GPC6: variants seen among roughly 807,000 people sequenced by gnomAD.
The protein encoded by GPC6 is glypican 6.
In GPC6, 14 loss-of-function variants were observed where a neutral mutation model predicts 55.2. The observed-to-expected ratio is 0.25, with a 90% CI of 0.17 to 0.40. The LOEUF is 0.40. GPC6 is among the 10% of genes least tolerant of loss of function. The pLI, the probability that GPC6 is intolerant of heterozygous loss-of-function variation, is 1.00. For synonymous variants in GPC6, 278 were observed against 259.6 expected (o/e 1.07, Z -0.68); for missense variants, 641 against 708.5 (o/e 0.90, Z 1.08).
rs185785300 is a variant in GPC6 at position 94,136,293 on chromosome 13, T to C, written c.877+108399T>C. Among the ~76,000 whole-genome samples, 423 of 152,126 alleles carry C rather than the reference T, an allele frequency of 2.8e-3. 5 individuals are homozygous for C. Among genetic ancestry groups the C allele is most frequent in the Non-Finnish European group, 4.6e-3 (314 of 67,996 alleles). ...AACTACTGATTGGAAAATAGAGTCT[T>C]TGGGGGAGCTGCAAGCAGTTCCTAG... is the stretch of plus-strand genomic sequence containing the variant. On this transcript the variant is annotated intron_variant, in intron 4 of 8. Coordinates refer to ENST00000377047, the MANE Select transcript of GPC6 (RefSeq NM_005708.5).
rs965645900 is a variant in GPC6, at chr13:93,279,271, C to T, written c.160+51655C>T. Among the ~76,000 whole-genome samples the T allele has an allele frequency of 7.2e-5, 11 of 152,136 alleles. 1 individual carries two copies. In the South Asian group the frequency reaches 1.2e-3, roughly 17 times the overall value. On this transcript the variant is annotated intron_variant, in intron 1 of 8. Transcript: ENST00000377047. ...CCTGAAGGAGCATGTGGATTCAATT[C>T]CCATGTGATGTTGAAGCTCTGGGCT...
chr13:93,394,398 A>G (rs1020888865), intron 1 of GPC6, among the ~76,000 whole-genome samples: 1 of 152,318 alleles, frequency 6.6e-6, no homozygotes, highest in African/African-American at 2.4e-5. Context: ...AAGGAACTGG[A>G]ACCTTGGTGA....
At chr13:93,262,296 C>T (rs529978926) in intron 1 of GPC6, among the ~76,000 whole-genome samples, 3 of 151,280 alleles carry the variant, frequency 2.0e-5, no homozygotes, top group African/African-American at 4.9e-5. Flanking sequence ...GAAGGGTTCC[C>T]GAAAAAAAAA....
intron 6 of GPC6, among the ~76,000 whole-genome samples, chr13:94,322,172 T>C (rs1228043032): frequency 6.6e-6 from 1 of 152,198 alleles, no homozygotes; most frequent in East Asian, 1.9e-4. Flanking sequence ...GGAAGTCTCA[T>C]GAGATCTGAT....
chr13:93,737,050 T>C (rs1269531833), intron 2 of GPC6, among the ~76,000 whole-genome samples: 1 of 152,220 alleles, frequency 6.6e-6, no homozygotes, highest in African/African-American at 2.4e-5. Flanking sequence ...TGTGTCCACC[T>C]TACTTTTGCT....
At chr13:94,347,237 C>T (rs1158815194) in intron 6 of GPC6, among the ~76,000 whole-genome samples, 1 of 152,046 alleles carries the variant, frequency 6.6e-6, no homozygotes, top group African/African-American at 2.4e-5. Context: ...CTGAACCACC[C>T]AGATCATGTT....
intron 1 of GPC6, among the ~76,000 whole-genome samples, chr13:93,482,622 T>C (rs1287124140): frequency 2.6e-5 from 4 of 152,084 alleles, no homozygotes; most frequent in African/African-American, 9.7e-5. Context: ...AGTTAATGGG[T>C]AAGAAATCTC....
intron 3 of GPC6, among the ~76,000 whole-genome samples, chr13:93,835,643 T>A (rs976054484): frequency 1.3e-5 from 2 of 152,052 alleles, no homozygotes; most frequent in Non-Finnish European, 2.9e-5. Context: ...TCCCAGCTAC[T>A]TGGGAGGCTG....
intron 2 of GPC6, among the ~76,000 whole-genome samples, chr13:93,758,667 G>A (rs932744498): frequency 2.0e-5 from 3 of 151,404 alleles, no homozygotes; most frequent in Non-Finnish European, 4.4e-5. Context: ...AGAATGCCAA[G>A]GGTTATGTTT....
chr13:93,881,531 T>C (rs1440686743), intron 3 of GPC6, among the ~76,000 whole-genome samples: 1 of 152,086 alleles, frequency 6.6e-6, no homozygotes, highest in East Asian at 1.9e-4. Context: ...TGGTTTGTTT[T>C]ACTGGACAAT....
chr13:93,332,280 G>T (rs9561312), intron 1 of GPC6, among the ~76,000 whole-genome samples: 1 of 142,104 alleles, frequency 7.0e-6, no homozygotes, highest in African/African-American at 2.6e-5. Flanking sequence ...TTTTTTTTGC[G>T]AAACCTCTGT....
chr13:94,111,345 A>G (rs1886239291), intron 4 of GPC6, among the ~76,000 whole-genome samples: 1 of 151,824 alleles, frequency 6.6e-6, no homozygotes, highest in Admixed American at 6.6e-5. Flanking sequence ...ATTAGGACAA[A>G]CACCTAATGC....
At chr13:93,594,902 C>T (rs1877657335) in intron 2 of GPC6, among the ~76,000 whole-genome samples, 1 of 151,712 alleles carries the variant, frequency 6.6e-6, no homozygotes, top group Non-Finnish European at 1.5e-5. Flanking sequence ...ATGGCCTAAT[C>T]ATCTTCCAAA....
intron 2 of GPC6, among the ~76,000 whole-genome samples, chr13:93,598,200 G>A (rs1383526629): frequency 3.3e-5 from 5 of 152,124 alleles, no homozygotes; most frequent in African/African-American, 1.2e-4. Context: ...TACTGTGTAA[G>A]TGGTTGGCAT....
intron 6 of GPC6, among the ~76,000 whole-genome samples, chr13:94,349,623 G>A (rs905649465): frequency 6.6e-6 from 1 of 152,132 alleles, no homozygotes; most frequent in African/African-American, 2.4e-5. Flanking sequence ...ACATGTGCTA[G>A]TCTCCAAATG....
chr13:93,871,023 C>A (rs1889115820), intron 3 of GPC6, among the ~76,000 whole-genome samples: 2 of 151,808 alleles, frequency 1.3e-5, no homozygotes, highest in East Asian at 3.9e-4. Context: ...AATTTTTTCA[C>A]CGCTACTTTG....
chr13:93,594,424 CT>C (rs1456993233), intron 2 of GPC6, among the ~76,000 whole-genome samples: 4 of 151,958 alleles, frequency 2.6e-5, no homozygotes, highest in African/African-American at 9.7e-5. Context: ...CCATTTTATA[CT>C]TTTTGATGTA....
At chr13:93,280,070 G>A (rs9516206) in intron 1 of GPC6, among the ~76,000 whole-genome samples, 433 of 152,290 alleles carry the variant, frequency 2.8e-3, no homozygotes, top group Non-Finnish European at 5.1e-3. Context: ...AAAAACATCT[G>A]CAGGTATTCT....
At chr13:93,805,761 A>G (rs1886525618) in intron 2 of GPC6, among the ~76,000 whole-genome samples, 1 of 152,190 alleles carries the variant, frequency 6.6e-6, no homozygotes, top group Admixed American at 6.5e-5. Flanking sequence ...AATGTGGCTT[A>G]TCTATCAATT....
Sources: allele counts gnomAD v4.1 joint callset (sites outside exome capture counted in the v4.1 genomes callset), GRCh38; gene constraint gnomAD v4.1.1; transcripts MANE v1.5; gene names NCBI Gene and HGNC (gene_info 2026-07-23, HGNC 2026-07-21).